Variants in ZNF385D observed in about 807,000 individuals in gnomAD.
The protein encoded by ZNF385D is zinc finger protein 385D, also known as zinc finger protein 659.
A neutral mutation model predicts 35.8 loss-of-function variants in ZNF385D; 15 were observed. That is an observed-to-expected ratio of 0.42 (90% CI 0.28 to 0.64). The LOEUF (loss-of-function observed/expected upper bound fraction) is 0.64. Among genes scored for constraint, ZNF385D ranks in the 30% least tolerant of loss-of-function variants. The pLI is 0.23. For missense variants in ZNF385D, 474 were observed against 494.6 expected (o/e 0.96, Z 0.39); for synonymous variants, 212 against 186.8 (o/e 1.13, Z -1.10).
At chr3:21,742,400 C>G (rs961079448) in intron 1 of ZNF385D, among the ~76,000 whole-genome samples, 2 of 152,176 alleles carry the variant, frequency 1.3e-5, no homozygotes, top group African/African-American at 4.8e-5. Context: ...AAATACTCTC[C>G]CATTTAAATT....
chr3:21,969,525 T>C (rs1454917396), intron 3 of ZNF385D, among the ~76,000 whole-genome samples: 1 of 152,200 alleles, frequency 6.6e-6, no homozygotes, highest in Non-Finnish European at 1.5e-5. Flanking sequence ...CTTGAGCAGT[T>C]CTTTATAGCA....
intron 3 of ZNF385D, among the ~76,000 whole-genome samples, chr3:21,844,803 C>A (rs547501608): frequency 6.6e-6 from 1 of 151,940 alleles, no homozygotes; most frequent in East Asian, 1.9e-4. Flanking sequence ...AAAAAATGAT[C>A]AATTTTACTG....
At chr3:22,050,160 G>A (rs1576230165) in intron 3 of ZNF385D, among the ~76,000 whole-genome samples, 2 of 151,538 alleles carry the variant, frequency 1.3e-5, no homozygotes, top group Admixed American at 1.3e-4. Context: ...GAGCCCAGGA[G>A]TTTGAGACCA....
At chr3:22,210,107 C>T (rs1482756502) in intron 2 of ZNF385D, among the ~76,000 whole-genome samples, 2 of 151,618 alleles carry the variant, frequency 1.3e-5, no homozygotes. Flanking sequence ...TTATACCAGC[C>T]AAGTCCCAGG....
rs1703442872 is a variant in ZNF385D, at chr3:21,465,247, C to T, written c.440-28044G>A. Among the ~76,000 whole-genome samples the T allele has an allele frequency of 6.6e-6, 1 of 152,054 alleles. No individual in the cohort carries two copies. Among genetic ancestry groups the T allele is most frequent in the Admixed American group, 6.6e-5 (1 of 15,250 alleles). On this transcript the variant is annotated intron_variant, in intron 4 of 7. Transcript: ENST00000281523. The surrounding 1 kb of genome is among the most constrained non-coding windows in gnomAD (Gnocchi z 4.2). ...AACTACACTTATCTCCAGAGTCTTC[C>T]CAATTTCTTTTGCTAAAAGACTATT...
intron 2 of ZNF385D, among the ~76,000 whole-genome samples, chr3:21,664,470 T>A (rs2066340552): frequency 6.6e-6 from 1 of 152,200 alleles, no homozygotes; most frequent in Admixed American, 6.5e-5. Context: ...AAGGTCCTAT[T>A]TATTAAGTTA....
chr3:21,645,253 C>T (rs1311174703), intron 2 of ZNF385D, among the ~76,000 whole-genome samples: 3 of 152,194 alleles, frequency 2.0e-5, no homozygotes, highest in Non-Finnish European at 2.9e-5. Flanking sequence ...AAATTGCAGC[C>T]AAGGTTGTTA....
In ZNF385D at chr3:21,426,470, A is replaced by G. The variant is rs981084924; in HGVS notation, c.674-800T>C. Among the ~76,000 whole-genome samples the G allele has an allele frequency of 6.6e-5, 10 of 152,184 alleles. No homozygotes were observed. The South Asian group carries it at 8.3e-4, about 13-fold the overall frequency. ...TGTTTTGTTTTCTTGAGATCACTGT[A>G]GTTACATACTGTTCATAATGGCAGT... is the stretch of plus-strand genomic sequence containing the variant. On this transcript the variant is annotated intron_variant, in intron 5 of 7. Transcript: ENST00000281523.
At chr3:21,902,462 G>A (rs942177717) in intron 3 of ZNF385D, among the ~76,000 whole-genome samples, 1 of 152,096 alleles carries the variant, frequency 6.6e-6, no homozygotes, top group Non-Finnish European at 1.5e-5. Context: ...GGAAATAGCG[G>A]AGTATCTGAT....
chr3:21,667,010 G>T (rs569118811), intron 1 of ZNF385D, among the ~76,000 whole-genome samples: 1 of 152,322 alleles, frequency 6.6e-6, no homozygotes, highest in African/African-American at 2.4e-5. Context: ...CCAGGAGGCA[G>T]AGGTTGCAGT....
intron 2 of ZNF385D, among the ~76,000 whole-genome samples, chr3:22,367,286 T>C (rs1351713010): frequency 1.3e-5 from 2 of 152,162 alleles, no homozygotes; most frequent in Admixed American, 6.5e-5. Flanking sequence ...ATAACTTGAT[T>C]AAATTCTCAC....
chr3:22,352,318 G>A (rs994430154), intron 2 of ZNF385D, among the ~76,000 whole-genome samples: 5 of 152,118 alleles, frequency 3.3e-5, no homozygotes, highest in African/African-American at 1.2e-4. Flanking sequence ...CCTACAACAT[G>A]AGGTGAGTTC....
rs542220174 is a variant in ZNF385D at position 21,890,955 on chromosome 3, A to G, written c.326-225927T>C. ...TATTTAAGAATTTCAAGGTGGGAGA[A>G]GAGAAAGTGAATTTTTAAAGCAGCA... On this transcript the variant is annotated intron_variant, in intron 3 of 5. Coordinates refer to the ZNF385D transcript ENST00000494108. Among the ~76,000 whole-genome samples, 22 of 152,302 alleles carry G rather than the reference A, an allele frequency of 1.4e-4. No individual in the cohort carries two copies. In the East Asian group the frequency reaches 4.2e-3, roughly 29 times the overall value.
At chr3:21,508,332 G>C (rs1431364569) in intron 4 of ZNF385D, among the ~76,000 whole-genome samples, 1 of 152,082 alleles carries the variant, frequency 6.6e-6, no homozygotes, top group Non-Finnish European at 1.5e-5. Context: ...AGTTGTAAAA[G>C]AAAATAAAAT....
Position 22,364,317 on chromosome 3 carries a change from G to A in ZNF385D, c.106+8133C>T, listed in dbSNP as rs555681266. ...AAAAGGCCATATCAACAAAGTAAAA[G>A]ATAACCACAGACTGGGAGAAAATAT... On this transcript the variant is annotated intron_variant, in intron 2 of 5. Transcript: ENST00000494108. Among the ~76,000 whole-genome samples the A allele has an allele frequency of 4.6e-5, 7 of 152,106 alleles. No individual in the cohort carries two copies. The South Asian group carries it at 1.2e-3, about 27-fold the overall frequency.
intron 3 of ZNF385D, among the ~76,000 whole-genome samples, chr3:21,929,630 T>TA (rs1254195095): frequency 6.6e-6 from 1 of 151,792 alleles, no homozygotes; most frequent in Non-Finnish European, 1.5e-5. Flanking sequence ...GATCAACATA[T>TA]AAAAAATCAA....
chr3:22,156,413 A>C (rs765965368), intron 3 of ZNF385D, among the ~76,000 whole-genome samples: 2 of 152,120 alleles, frequency 1.3e-5, no homozygotes, highest in Non-Finnish European at 2.9e-5. Context: ...GATGGATTAC[A>C]TGCTCTTCAA....
chr3:21,502,937 T>C (rs1414506808), intron 4 of ZNF385D, among the ~76,000 whole-genome samples: 2 of 152,172 alleles, frequency 1.3e-5, no homozygotes, highest in African/African-American at 4.8e-5. Context: ...ATCATGACAG[T>C]TATTGTTCCA....
chr3:22,218,991 C>T (rs1350565603), intron 2 of ZNF385D, among the ~76,000 whole-genome samples: 1 of 152,082 alleles, frequency 6.6e-6, no homozygotes, highest in Admixed American at 6.5e-5. Context: ...ACAAAGATAT[C>T]ATAATCTAGC....
Sources: gnomAD v4.1 joint callset for allele counts (sites outside exome capture counted in the v4.1 genomes callset) on GRCh38, gnomAD v4.1.1 for gene constraint, Gnocchi (gnomAD v3.1) non-coding constraint, MANE v1.5 for transcripts, NCBI Gene and HGNC (gene_info 2026-07-23, HGNC 2026-07-21) for gene names.